Variants in MROH7 observed in about 807,000 individuals in gnomAD.
MROH7 encodes maestro heat-like repeat-containing protein family member 7.
A neutral mutation model predicts 129.2 loss-of-function variants in MROH7; 113 were observed. The observed-to-expected ratio is 0.87, with a 90% CI of 0.75 to 1.02. The LOEUF (loss-of-function observed/expected upper bound fraction) is 1.02. Among genes scored for constraint, MROH7 ranks in the 50% least tolerant of loss-of-function variants. The pLI is 0.00. For missense variants in MROH7, 1,601 were observed against 1,671.3 expected (o/e 0.96, Z 0.73); for synonymous variants, 655 against 667.9 (o/e 0.98, Z 0.30).
chr1:54,663,317 C>G (rs1288671710), intron 3 of MROH7, among the ~76,000 whole-genome samples: 1 of 151,986 alleles, frequency 6.6e-6, no homozygotes, highest in African/African-American at 2.4e-5. Context: ...CAGTGGACTC[C>G]CCTTCAAGCA....
At position 54,679,884 on chromosome 1, in the gene MROH7, G is replaced by A; in HGVS notation, c.2227-7G>A. The stretch of plus-strand genomic sequence containing the variant: ...CCTTGCTCATGGCTGCCCCGGCTGT[G>A]CCCCAGATCCCAGAAATCATGCAAG... On this transcript the variant is annotated splice_region_variant and splice_polypyrimidine_tract_variant and intron_variant, in intron 12 of 23. Transcript: ENST00000421030. 1 of 1,603,698 alleles carries A rather than the reference G, an allele frequency of 6.2e-7. No individual in the cohort carries two copies. Among genetic ancestry groups the A allele is most frequent in the Non-Finnish European group, 8.5e-7 (1 of 1,175,944 alleles).
At chr1:54,678,136 C>CGTTGATTCCCA (rs1645011187) in intron 10 of MROH7, among the ~76,000 whole-genome samples, 2 of 152,206 alleles carry the variant, frequency 1.3e-5, no homozygotes, top group Non-Finnish European at 2.9e-5. Context: ...TCATAGAAAA[C>CGTTGATTCCCA]TGTTTGGCAA....
intron 3 of MROH7, 146 bp downstream of exon 3, chr1:54,654,303 A>C (rs1323546846): frequency 5.9e-6 from 5 of 841,128 alleles, no homozygotes; most frequent in African/African-American, 5.1e-5. Context: ...TAGACATCTA[A>C]TAATCGGCCT....
rs188427689 is a variant in MROH7 at position 54,699,722 on chromosome 1, G to A, written c.2965-599G>A. On this transcript the variant is annotated intron_variant, in intron 17 of 23. Transcript: ENST00000421030. ...GGAACAACTCGGGTTTTGTCCTCAG[G>A]GAAATCCCCTGTTGGATAGGGGAGG... The A allele has an allele frequency of 9.0e-5, 22 of 244,560 alleles. No homozygotes were observed. The Admixed American group carries it at 1.1e-3, about 12-fold the overall frequency. 15.1% of individuals were successfully genotyped at this position (244,560 alleles called of 1,614,324 possible).
chr1:54,674,633 G>A (rs374724542), intron 10 of MROH7, among the ~76,000 whole-genome samples: 3 of 152,206 alleles, frequency 2.0e-5, no homozygotes, highest in African/African-American at 7.2e-5. Flanking sequence ...TTCTGTCTTA[G>A]AATCCAGAGC....
rs778460739 is a variant in MROH7, at chr1:54,692,588, G to A, written c.2849+27G>A. The stretch of plus-strand genomic sequence containing the variant: ...TGAGTCCCGGGACCACCTTGGGGTT[G>A]GGGTGGGAGGGAGAAAGAGGGGGAC... On this transcript the variant is annotated intron_variant, in intron 16 of 23. Coordinates refer to ENST00000421030, the MANE Select transcript of MROH7 (RefSeq NM_001039464.4). 2.5e-6 allele frequency: 4 copies of A among 1,604,674 alleles called. No homozygotes were observed. The East Asian group carries it at 9.0e-5, about 36-fold the overall frequency.
chr1:54,707,801 T>C (rs116392573), intron 22 of MROH7, among the ~76,000 whole-genome samples: 4,868 of 152,226 alleles, frequency 0.032, 109 homozygotes, highest in Non-Finnish European at 0.052. Flanking sequence ...TTTTTTGTGA[T>C]ACTCTGAAGA....
intron 3 of MROH7, among the ~76,000 whole-genome samples, chr1:54,663,396 G>A (rs895360541): frequency 6.6e-5 from 10 of 151,924 alleles, no homozygotes; most frequent in Admixed American, 1.3e-4. Flanking sequence ...TTTTTGAGAT[G>A]AAATATTGCT....
chr1:54,672,971 C>A, intron 7 of MROH7, 120 bp from the exon 8 acceptor site: 1 of 653,214 alleles, frequency 1.5e-6, no homozygotes. Flanking sequence ...GAGGTGGGAC[C>A]AGAAAGCAGC....
intron 13 of MROH7, 94 bp downstream of exon 13, chr1:54,680,139 C>T: frequency 8.3e-7 from 1 of 1,200,258 alleles, no homozygotes; most frequent in Non-Finnish European, 1.2e-6. Flanking sequence ...AGATAAGCCC[C>T]TCGCCCTCCC....
chr1:54,710,068 T>C lies in MROH7; in HGVS notation c.3853T>C (p.Cys1285Arg), dbSNP rs1330792563. 6.2e-7 allele frequency: 1 copy of C among 1,614,070 alleles called. No individual in the cohort carries two copies. The highest frequency in any genetic ancestry group is 1.7e-5 in the Admixed American group (1 of 60,022). ...SWLPHGNSWVCYSATTHRWSP... is the reference protein window; with the variant it reads ...SWLPHGNSWVRYSATTHRWSP... ...GCTGCCGCACGGGAACTCATGGGTG[T>C]GTTACTCAGCCACCACCCACCGCTG... is the stretch of plus-strand genomic sequence containing the variant. The change falls in exon 24 of 24, where the codon TGT becomes CGT. Residue 1285 changes from cysteine (C) to arginine (R), a missense_variant. Transcript: ENST00000421030.
Position 54,674,067 on chromosome 1 carries a change from C to T in MROH7, c.1852C>T (p.His618Tyr), listed in dbSNP as rs766757461. Residue 618 changes from histidine to tyrosine, a missense_variant, in exon 10 of 24, where the codon CAC (histidine) becomes TAC (tyrosine). His to Tyr is a moderately conservative substitution (Grantham distance 83). Transcript: ENST00000421030. Reference sequence around the variant, plus strand: ...GCTTCTGCTGGGGAGACTCATCCTTCACATTGGGGATCCTGATGAGGAGAT... The same window carrying T: ...GCTTCTGCTGGGGAGACTCATCCTTTACATTGGGGATCCTGATGAGGAGAT... ...LGLLLGRLIL[H>Y]IGDPDEEIGC... The T allele has an allele frequency of 2.3e-5, 37 of 1,613,968 alleles. No individual in the cohort carries two copies. The highest frequency in any genetic ancestry group is 9.9e-5 in the South Asian group (9 of 91,086).
In MROH7 at chr1:54,706,289, C is replaced by A. The variant is rs543715361; in HGVS notation, c.3565-146C>A. On this transcript the variant is annotated intron_variant, in intron 21 of 23. Transcript: ENST00000421030. ...TTGTAATCAGCTAAGAGGAGATAAG[C>A]CCTGGCCTGTGGGGGACTCATGCAG... The A allele has an allele frequency of 1.3e-4, 84 of 653,228 alleles. 1 individual carries two copies. In the South Asian group the frequency reaches 1.5e-3, roughly 11 times the overall value. 40.5% of individuals were successfully genotyped at this position (653,228 alleles called of 1,614,324 possible).
chr1:54,657,154 C>A (rs1395136713), intron 3 of MROH7, among the ~76,000 whole-genome samples: 2 of 151,012 alleles, frequency 1.3e-5, no homozygotes, highest in Non-Finnish European at 2.9e-5. Flanking sequence ...CTCAAGTGAT[C>A]CTCCTGCCTC....
chr1:54,686,305 C>T lies in MROH7; in HGVS notation c.2568C>T (p.Gly856=), dbSNP rs1248276423. Residue 856 remains glycine, a synonymous_variant, in exon 15 of 24, where the codon GGC becomes GGT. Coordinates refer to ENST00000421030, the MANE Select transcript of MROH7 (RefSeq NM_001039464.4). The part of the protein sequence containing the change: ...CELLSVNSCM[G]RVRRIYPQLL... ...TCCTGTCCGTCAACAGCTGCATGGG[C>T]CGTGTGAGGCGCATCTACCCTCAGC... 9 of 1,613,992 alleles carry T rather than the reference C, an allele frequency of 5.6e-6. No homozygotes were observed. The highest frequency in any genetic ancestry group is 7.6e-6 in the Non-Finnish European group (9 of 1,180,022).
chr1:54,670,665 CA>C, intron 6 of MROH7, 89 bp downstream of exon 6: 2 of 1,258,948 alleles, frequency 1.6e-6, no homozygotes, highest in Non-Finnish European at 2.2e-6. Context: ...TACCCTCCCC[CA>C]ACCCGCCCCC....
chr1:54,685,103 A>C (rs1569946742), intron 14 of MROH7, among the ~76,000 whole-genome samples: 1 of 147,264 alleles, frequency 6.8e-6, no homozygotes, highest in African/African-American at 2.5e-5. Context: ...CAACCCCTCC[A>C]CCTCCCGGGT....
intron 15 of MROH7, among the ~76,000 whole-genome samples, chr1:54,690,486 C>G (rs1346018216): frequency 1.3e-5 from 2 of 151,408 alleles, no homozygotes; most frequent in Non-Finnish European, 2.9e-5. Context: ...CACTGTCGCC[C>G]AGGCTAGAGT....
intron 21 of MROH7, 113 bp downstream of exon 21, chr1:54,702,858 C>T: frequency 7.5e-7 from 1 of 1,335,716 alleles, no homozygotes. Flanking sequence ...TGACCAACTA[C>T]AAGTTGTTGG....
Sources: allele counts gnomAD v4.1 joint callset (sites outside exome capture counted in the v4.1 genomes callset), GRCh38; gene constraint gnomAD v4.1.1; transcripts MANE v1.5; gene names NCBI Gene and HGNC (gene_info 2026-07-23, HGNC 2026-07-21).